Variants in ACTN1 observed in about 807,000 individuals in gnomAD.
ACTN1 encodes the protein alpha-actinin-1.
Under a neutral mutation model 119.6 loss-of-function variants are expected in ACTN1, and 30 were observed. The observed-to-expected ratio is 0.25, with a 90% CI of 0.19 to 0.34. The LOEUF is 0.34. Ranked by LOEUF, ACTN1 falls within the 10% of genes least tolerant of loss-of-function variation. ACTN1 has a pLI of 1.00. For synonymous variants in ACTN1, 429 were observed against 472.6 expected (o/e 0.91, Z 1.20); for missense variants, 764 against 1,223.4 (o/e 0.62, Z 5.60).
chr14:68,963,412 C>A (rs1175374884), intron 1 of ACTN1, among the ~76,000 whole-genome samples: 1 of 152,194 alleles, frequency 6.6e-6, no homozygotes, highest in Non-Finnish European at 1.5e-5. Flanking sequence ...GGTAGATATT[C>A]ATTTTATGAT....
At chr14:68,910,548 A>G (rs76584554) in intron 4 of ACTN1, among the ~76,000 whole-genome samples, 4,808 of 152,284 alleles carry the variant, frequency 0.032, 137 homozygotes, top group East Asian at 0.08. Flanking sequence ...ACGGATCAAT[A>G]CTGCTGCCCT....
chr14:68,967,394 T>G (rs1566679972), intron 1 of ACTN1, among the ~76,000 whole-genome samples: 1 of 152,214 alleles, frequency 6.6e-6, no homozygotes, highest in Non-Finnish European at 1.5e-5. Flanking sequence ...GCAAGCTTGA[T>G]TCGTGCTTAC....
In ACTN1 at chr14:68,909,227, C is replaced by G; in HGVS notation, c.594+91G>C. The G allele has an allele frequency of 7.8e-7, 1 of 1,287,650 alleles. No individual in the cohort carries two copies. The highest frequency in any genetic ancestry group is 1.1e-6 in the Non-Finnish European group (1 of 892,088). The allele number at this position is 1,287,650 out of a possible 1,614,324, so 79.8% of individuals were successfully genotyped here. ...GAGGCCAACACTGCTCAGGCTGGACCATGGACTGTCACAACAAGGGTCCTA... is the reference window on the plus strand; with the variant it reads ...GAGGCCAACACTGCTCAGGCTGGACGATGGACTGTCACAACAAGGGTCCTA... On this transcript the variant is annotated intron_variant, in intron 6 of 21. Coordinates refer to ENST00000394419, the MANE Select transcript of ACTN1 (RefSeq NM_001130004.2). This position sits in a 1 kb window ranked among gnomAD's most constrained non-coding sequence, Gnocchi z 4.1.
chr14:68,978,880 C>A, intron 1 of ACTN1, 72 bp downstream of exon 1: 1 of 1,109,156 alleles, frequency 9.0e-7, no homozygotes, highest in South Asian at 1.6e-5. Context: ...GAGCCGAGAG[C>A]CCGGCAGGCA....
chr14:68,927,637 G>A (rs2034999162), intron 1 of ACTN1, among the ~76,000 whole-genome samples: 1 of 152,124 alleles, frequency 6.6e-6, no homozygotes, highest in South Asian at 2.1e-4. Context: ...GGGACCCCCT[G>A]GACACAGAAG....
chr14:68,933,427 C>T (rs113621580), intron 1 of ACTN1, among the ~76,000 whole-genome samples: 15,425 of 152,194 alleles, frequency 0.1, 947 homozygotes, highest in African/African-American at 0.16. Flanking sequence ...TGAGCCACCA[C>T]GCCCGGCCAC....
chr14:68,910,615 C>T (rs1349271915), intron 4 of ACTN1, among the ~76,000 whole-genome samples: 1 of 152,174 alleles, frequency 6.6e-6, no homozygotes, highest in African/African-American at 2.4e-5. Context: ...AGGGGGCTCA[C>T]GGAGCTCCCA....
In ACTN1 at chr14:68,878,583, C is replaced by T. The variant is rs763314798; in HGVS notation, c.2362-60G>A. 1 of 1,607,834 alleles carries T rather than the reference C, an allele frequency of 6.2e-7. No homozygotes were observed. The highest frequency in any genetic ancestry group is 1.1e-5 in the South Asian group (1 of 90,272). On this transcript the variant is annotated intron_variant, in intron 19 of 21. Transcript: ENST00000394419. The surrounding 1 kb of genome is among the most constrained non-coding windows in gnomAD (Gnocchi z 4.4). The stretch of plus-strand genomic sequence containing the variant: ...GTCGGGAAGGCAGGAAGAGGAAGGG[C>T]CGGCCCGGGGCCAGGAAGACAGGAA...
In ACTN1 at chr14:68,880,853, T is replaced by C. The variant is rs756028713; in HGVS notation, c.2090A>G (p.Glu697Gly). Residue 697 changes from glutamate (E) to glycine (G), a missense_variant, in exon 17 of 22, where the codon GAG becomes GGG. This residue lies in a region of ACTN1 where 544 missense variants were observed against 912.0 expected (regional missense o/e 0.60). Coordinates refer to ENST00000394419, the MANE Select transcript of ACTN1 (RefSeq NM_001130004.2). The surrounding 1 kb of genome is among the most constrained non-coding windows in gnomAD (Gnocchi z 4.6). ...QLEGDHQLIQ[E>G]ALIFDNKHTN... Reference sequence around the variant, plus strand: ...GTGCTTGTTGTCGAAGATGAGCGCCTCCTGGATGAGCTGGTGGTCGCCCTC... The same window carrying C: ...GTGCTTGTTGTCGAAGATGAGCGCCCCCTGGATGAGCTGGTGGTCGCCCTC... The C allele has an allele frequency of 1.9e-6, 3 of 1,614,140 alleles. No individual in the cohort carries two copies. Among genetic ancestry groups the C allele is most frequent in the Non-Finnish European group, 2.5e-6 (3 of 1,180,006 alleles).
chr14:68,913,741 G>A (rs757676533), intron 3 of ACTN1, among the ~76,000 whole-genome samples: 22 of 152,200 alleles, frequency 1.4e-4, no homozygotes, highest in Non-Finnish European at 2.9e-4. Context: ...AACCCTTCTT[G>A]TAAACAGGGA....
At chr14:68,893,417 A>G (rs1439577769) in intron 9 of ACTN1, among the ~76,000 whole-genome samples, 2 of 152,128 alleles carry the variant, frequency 1.3e-5, no homozygotes, top group African/African-American at 4.8e-5. Flanking sequence ...AAAAAACAAG[A>G]AGACTCTGAG....
chr14:68,886,969 AT>A (rs571916404), intron 11 of ACTN1: 2,960 of 148,268 alleles, frequency 0.02, 45 homozygotes, highest in Non-Finnish European at 0.028. Flanking sequence ...TTCAGGATGG[AT>A]TTTTTTTTTT....
intron 4 of ACTN1, among the ~76,000 whole-genome samples, chr14:68,911,827 T>C (rs1445168528): frequency 6.6e-6 from 1 of 152,270 alleles, no homozygotes; most frequent in African/African-American, 2.4e-5. Flanking sequence ...CCCCTCCTGG[T>C]CCTTCCTCCC....
chr14:68,884,711 A>G, intron 13 of ACTN1, 64 bp downstream of exon 13: 1 of 1,360,446 alleles, frequency 7.4e-7, no homozygotes, highest in Non-Finnish European at 1.1e-6. Flanking sequence ...GAGAGTCAAG[A>G]AGCAGGAAGG....
chr14:68,905,421 T>C (rs1282173906), intron 6 of ACTN1, among the ~76,000 whole-genome samples: 1 of 152,156 alleles, frequency 6.6e-6, no homozygotes, highest in Non-Finnish European at 1.5e-5. Context: ...AACATGGTAT[T>C]ACATGGTCCT....
chr14:68,963,586 C>A (rs2036608928), intron 1 of ACTN1, among the ~76,000 whole-genome samples: 1 of 152,226 alleles, frequency 6.6e-6, no homozygotes, highest in Admixed American at 6.5e-5. Context: ...AGAAACTTTC[C>A]TCCCACCTGG....
At chr14:68,884,976 G>A in intron 12 of ACTN1, 93 bp from the exon 13 acceptor site, 1 of 1,085,548 alleles carries the variant, frequency 9.2e-7, no homozygotes, top group Middle Eastern at 2.0e-4. Flanking sequence ...GTGGCTGGTG[G>A]TGCTGGGAAG....
intron 21 of ACTN1, 61 bp from the exon 22 acceptor site, chr14:68,875,078 C>G: frequency 6.3e-7 from 1 of 1,598,456 alleles, no homozygotes; most frequent in Non-Finnish European, 8.5e-7. Context: ...CGGCGCGGCC[C>G]GACACAGCCG....
Position 68,909,685 on chromosome 14 carries a change from G to T in ACTN1, c.515+270C>A, listed in dbSNP as rs1209144897. On this transcript the variant is annotated intron_variant, in intron 5 of 21. Coordinates refer to ENST00000394419, the MANE Select transcript of ACTN1 (RefSeq NM_001130004.2). This position sits in a 1 kb window ranked among gnomAD's most constrained non-coding sequence, Gnocchi z 4.1. Reference sequence around the variant, plus strand: ...TCTGCTGTTCCAGAGCCCTGGGCTGGGACTTCCTGGACAATTTCCTTGGGG... The same window carrying T: ...TCTGCTGTTCCAGAGCCCTGGGCTGTGACTTCCTGGACAATTTCCTTGGGG... Among the ~76,000 whole-genome samples, 4 of 152,172 alleles carry T rather than the reference G, an allele frequency of 2.6e-5. No individual in the cohort carries two copies. Among genetic ancestry groups the T allele is most frequent in the Non-Finnish European group, 5.9e-5 (4 of 68,032 alleles).
Sources: gnomAD v4.1 joint callset for allele counts (sites outside exome capture counted in the v4.1 genomes callset) on GRCh38, gnomAD v4.1.1 for gene constraint, gnomAD v4.1.1 regional missense constraint, Gnocchi (gnomAD v3.1) non-coding constraint, MANE v1.5 for transcripts, NCBI Gene and HGNC (gene_info 2026-07-23, HGNC 2026-07-21) for gene names.